Variants in BBS4 observed in about 807,000 individuals in gnomAD.
BBS4 encodes the protein Bardet-Biedl syndrome 4.
In BBS4, 58 loss-of-function variants were observed where a neutral mutation model predicts 71.4. The ratio of observed to expected loss-of-function variants is 0.81; its 90% CI spans 0.66 to 1.01. The LOEUF (loss-of-function observed/expected upper bound fraction) is 1.01, where lower values mean the gene tolerates loss of function less well. Ranked by LOEUF, BBS4 falls within the 50% of genes least tolerant of loss-of-function variation. BBS4 has a pLI of 0.00. For missense variants in BBS4, 660 were observed against 607.9 expected, an observed-to-expected ratio of 1.09 and a Z score of -0.90; for synonymous variants, 228 against 216.8, an observed-to-expected ratio of 1.05 and a Z score of -0.46.
intron 3 of BBS4, among the ~76,000 whole-genome samples, chr15:72,711,044 A>G (rs757538523): frequency 1.9e-4 from 27 of 144,460 alleles, no homozygotes; most frequent in Middle Eastern, 3.7e-3. Context: ...CTCGTAATCC[A>G]CCTGCCTCAG....
At chr15:72,722,659 A>G (rs1372504339) in intron 6 of BBS4, 135 bp from the exon 7 acceptor site, 1 of 743,276 alleles carries the variant, frequency 1.3e-6, no homozygotes, top group Non-Finnish European at 2.4e-6. Context: ...AACTCTAATA[A>G]AAAGCTGACT....
chr15:72,726,260 C>T lies in BBS4; in HGVS notation c.587+1605C>T, dbSNP rs115727598. Among the ~76,000 whole-genome samples, 355 of 151,930 alleles carry T rather than the reference C, an allele frequency of 2.3e-3. 1 individual carries two copies. The highest frequency in any genetic ancestry group is 8.3e-3 in the African/African-American group (344 of 41,444). On this transcript the variant is annotated intron_variant, in intron 8 of 15. Transcript: ENST00000268057. The stretch of plus-strand genomic sequence containing the variant: ...CTGAGTAGCTGGGACTGCACGAGCA[C>T]GCCACCACCCCTGGCTAATGTTTGT...
Position 72,709,690 on chromosome 15 carries a change from T to C in BBS4, c.77-10T>C. 6.3e-7 allele frequency: 1 copy of C among 1,594,730 alleles called. No individual in the cohort carries two copies. The highest frequency in any genetic ancestry group is 8.6e-7 in the Non-Finnish European group (1 of 1,162,474). On this transcript the variant is annotated splice_polypyrimidine_tract_variant and intron_variant, in intron 2 of 15. Coordinates refer to ENST00000268057, the MANE Select transcript of BBS4 (RefSeq NM_033028.5). ...CTGTGTTGTTTGTTTTGTCAAAATA[T>C]GCTGCCTAGCTCCAGAGTTTCCTAT... is the stretch of plus-strand genomic sequence containing the variant.
Position 72,737,503 on chromosome 15 carries a change from A to G in BBS4, c.1476A>G (p.Thr492=). The G allele has an allele frequency of 6.2e-7, 1 of 1,613,050 alleles. No homozygotes were observed. Among genetic ancestry groups the G allele is most frequent in the Non-Finnish European group, 8.5e-7 (1 of 1,179,592 alleles). The change falls in exon 16 of 16, where the codon ACA becomes ACG. Residue 492 remains threonine (T), a synonymous_variant. Transcript: ENST00000268057. ...GTGCTGGAGGAACATCCCAGTTCAC[A>G]AAGCCCCCATCTCTTCCTCTGGAGC... ...PSGAGGTSQF[T]KPPSLPLEPE... is the part of the protein sequence containing the mutation.
intron 7 of BBS4, 93 bp from the exon 8 acceptor site, chr15:72,724,427 CTATGTCAA>C: frequency 6.5e-7 from 1 of 1,539,304 alleles, no homozygotes; most frequent in Non-Finnish European, 8.9e-7. Flanking sequence ...TGTGATGTTC[CTATGTCAA>C]TACAGCAGAA....
Position 72,731,668 on chromosome 15 carries a change from T to C in BBS4, c.978T>C (p.Phe326=). 1 of 1,614,230 alleles carries C rather than the reference T, an allele frequency of 6.2e-7. No homozygotes were observed. The highest frequency in any genetic ancestry group is 8.5e-7 in the Non-Finnish European group (1 of 1,180,044). ...AGCAGTATGCATCAGCTTTTCATTT[T>C]CTCAGTGCGGCCATCAACTTCCAGC... ...TMQQYASAFH[F]LSAAINFQPK... Residue 326 remains phenylalanine, a synonymous_variant, in exon 12 of 16, where the codon TTT becomes TTC. Transcript: ENST00000268057.
chr15:72,709,572 G>A (rs2065328359), intron 2 of BBS4, 128 bp from the exon 3 acceptor site: 6 of 738,468 alleles, frequency 8.1e-6, no homozygotes, highest in Non-Finnish European at 1.5e-5. Flanking sequence ...ATATATTATT[G>A]TAGTCAGTAG....
chr15:72,692,460 C>T (rs1351687634), intron 1 of BBS4, among the ~76,000 whole-genome samples: 1 of 151,216 alleles, frequency 6.6e-6, no homozygotes, highest in Non-Finnish European at 1.5e-5. Flanking sequence ...AGACCACAGG[C>T]GCAGGCCACA....
chr15:72,735,688 C>A, intron 13 of BBS4, 137 bp from the exon 14 acceptor site: 3 of 1,088,330 alleles, frequency 2.8e-6, no homozygotes, highest in Non-Finnish European at 4.2e-6. Context: ...CTGCTTAGCA[C>A]GTATGTACCT....
intron 10 of BBS4, among the ~76,000 whole-genome samples, chr15:72,730,137 C>T (rs998020016): frequency 3.3e-5 from 5 of 151,730 alleles, no homozygotes; most frequent in Admixed American, 1.3e-4. Flanking sequence ...ATTAGCCGGG[C>T]GTGGTGGCGG....
intron 10 of BBS4, 46 bp downstream of exon 10, chr15:72,729,730 C>A: frequency 6.6e-7 from 1 of 1,525,902 alleles, no homozygotes; most frequent in Non-Finnish European, 9.1e-7. Flanking sequence ...GACGGTCCCA[C>A]TGCTCCTAGA....
chr15:72,688,279 G>A (rs1202940866), intron 1 of BBS4, among the ~76,000 whole-genome samples: 1 of 151,946 alleles, frequency 6.6e-6, no homozygotes, highest in Non-Finnish European at 1.5e-5. Flanking sequence ...TAGCAATTAA[G>A]CCTGAAGTTA....
chr15:72,697,808 A>G (rs1042042737), intron 2 of BBS4, among the ~76,000 whole-genome samples: 1 of 152,196 alleles, frequency 6.6e-6, no homozygotes, highest in Non-Finnish European at 1.5e-5. Context: ...TTTGAGGGTG[A>G]TGACTGCCAA....
chr15:72,686,564 G>A, intron 1 of BBS4: 4 of 1,447,424 alleles, frequency 2.8e-6, no homozygotes, highest in Non-Finnish European at 3.7e-6. Context: ...GGGTTTGGAA[G>A]GTAATGACTA....
At chr15:72,708,391 G>C (rs1242379727) in intron 2 of BBS4, among the ~76,000 whole-genome samples, 2 of 152,168 alleles carry the variant, frequency 1.3e-5, no homozygotes, top group Non-Finnish European at 2.9e-5. Context: ...ACACTTACCA[G>C]TTCCCAAATA....
Position 72,731,448 on chromosome 15 carries a change from A to G in BBS4, c.855A>G (p.Lys285=), listed in dbSNP as rs2065820909. ...GAATGTGTTTCTTTGGCAAGAAGAA[A>G]TATGTGGCGGTGAGTGTCCCCTCAT... The part of the protein sequence containing the change: ...NIGMCFFGKK[K]YVAAISCLKR... Residue 285 remains lysine, a synonymous_variant, in exon 11 of 16, where the codon AAA becomes AAG. Transcript: ENST00000268057. 4 of 1,614,196 alleles carry G rather than the reference A, an allele frequency of 2.5e-6. No individual in the cohort carries two copies. Among genetic ancestry groups the G allele is most frequent in the Non-Finnish European group, 3.4e-6 (4 of 1,180,054 alleles).
chr15:72,686,500 G>A lies in BBS4; in HGVS notation c.24+249G>A, dbSNP rs1439241196. The A allele has an allele frequency of 9.2e-6, 14 of 1,521,154 alleles. No homozygotes were observed. The Middle Eastern group carries it at 6.7e-4, about 73-fold the overall frequency. The allele number at this position is 1,521,154 out of a possible 1,614,324, so 94.2% of individuals were successfully genotyped here. On this transcript the variant is annotated intron_variant, in intron 1 of 15. Transcript: ENST00000268057. ...CTTGGGGTGCGCTGGACGGAGAAGG[G>A]AGACTTTTCACCAGTAATGGCTCTT...
At chr15:72,717,726 G>T (rs1308355597) in intron 6 of BBS4, among the ~76,000 whole-genome samples, 2 of 152,166 alleles carry the variant, frequency 1.3e-5, no homozygotes, top group Non-Finnish European at 2.9e-5. Flanking sequence ...TAGGTAGCAG[G>T]TAGGCAAGTA....
chr15:72,717,564 G>A (rs987975106), intron 6 of BBS4, among the ~76,000 whole-genome samples: 1 of 152,000 alleles, frequency 6.6e-6, no homozygotes, highest in Non-Finnish European at 1.5e-5. Context: ...TACTGGGAAA[G>A]CACAACTTTC....
Sources: allele counts gnomAD v4.1 joint callset (sites outside exome capture counted in the v4.1 genomes callset), GRCh38; gene constraint gnomAD v4.1.1; transcripts MANE v1.5; gene names NCBI Gene and HGNC (gene_info 2026-07-23, HGNC 2026-07-21).